RERE: variants seen among roughly 807,000 people sequenced by gnomAD.
RERE encodes arginine-glutamic acid dipeptide repeats protein.
In RERE, 40 loss-of-function variants were observed where a neutral mutation model predicts 146.1. The observed-to-expected ratio is 0.27, with a 90% CI of 0.21 to 0.36. RERE has a LOEUF of 0.36. RERE is among the 10% of genes least tolerant of loss of function. RERE has a pLI of 1.00. For synonymous variants in RERE, 1,003 were observed against 866.0 expected, an observed-to-expected ratio of 1.16 and a Z score of -2.78; for missense variants, 1,933 against 2,138.7, an observed-to-expected ratio of 0.90 and a Z score of 1.90.
intron 6 of RERE, among the ~76,000 whole-genome samples, chr1:8,550,513 A>G (rs1645920524): frequency 6.6e-6 from 1 of 152,178 alleles, no homozygotes; most frequent in Non-Finnish European, 1.5e-5. Context: ...AACTTGCAGG[A>G]GCTAAAGGGT....
intron 10 of RERE, among the ~76,000 whole-genome samples, chr1:8,469,789 G>C (rs574579443): frequency 2.0e-5 from 3 of 152,178 alleles, no homozygotes; most frequent in African/African-American, 7.2e-5. Context: ...GAACCAAGAA[G>C]AGTTTTAAAC....
At chr1:8,445,248 G>T (rs537044940) in intron 11 of RERE, among the ~76,000 whole-genome samples, 71 of 152,192 alleles carry the variant, frequency 4.7e-4, no homozygotes, top group Non-Finnish European at 8.4e-4. Context: ...AAACAAACTA[G>T]GGTCACTGAA....
chr1:8,698,913 T>C (rs1233052631), intron 1 of RERE, among the ~76,000 whole-genome samples: 1 of 152,148 alleles, frequency 6.6e-6, no homozygotes, highest in Non-Finnish European at 1.5e-5. Flanking sequence ...AAATTAAATG[T>C]TTTCTTCTTT....
At chr1:8,653,694 CAAAAAAA>C in intron 2 of RERE, among the ~76,000 whole-genome samples, 1 of 45,908 alleles carries the variant, frequency 2.2e-5, no homozygotes, top group East Asian at 7.0e-4. Context: ...GACTCCACCT[CAAAAAAA>C]AAAAAAAAAA....
chr1:8,792,136 G>A (rs1641375231), intron 1 of RERE, among the ~76,000 whole-genome samples: 1 of 151,668 alleles, frequency 6.6e-6, no homozygotes, highest in African/African-American at 2.4e-5. Context: ...CAAAGTATAA[G>A]AGCGCCTTCT....
At chr1:8,511,463 G>A (rs746963277) in intron 7 of RERE, among the ~76,000 whole-genome samples, 13 of 152,332 alleles carry the variant, frequency 8.5e-5, no homozygotes, top group Middle Eastern at 6.8e-3. Context: ...TTTTTGAGCA[G>A]GTAGGATCTG....
chr1:8,365,682 A>G (rs1641777563), intron 13 of RERE, 130 bp downstream of exon 13: 5 of 987,088 alleles, frequency 5.1e-6, no homozygotes, highest in African/African-American at 3.3e-5. Flanking sequence ...GGCTTCACAC[A>G]TGCACTGGAG....
chr1:8,814,635 A>G (rs1163751422), intron 1 of RERE, among the ~76,000 whole-genome samples: 2 of 152,226 alleles, frequency 1.3e-5, no homozygotes, highest in African/African-American at 4.8e-5. Flanking sequence ...TTAAATCCCA[A>G]GAAAAACCTC....
intron 1 of RERE, among the ~76,000 whole-genome samples, chr1:8,711,700 T>C (rs1639671626): frequency 6.6e-6 from 1 of 152,218 alleles, no homozygotes; most frequent in Non-Finnish European, 1.5e-5. Context: ...TTTGAACTGA[T>C]GATATATGAT....
chr1:8,418,899 G>A (rs1046294610), intron 12 of RERE, among the ~76,000 whole-genome samples: 1 of 152,086 alleles, frequency 6.6e-6, no homozygotes, highest in African/African-American at 2.4e-5. Flanking sequence ...GCAGAATCAA[G>A]AGGCCTAGTT....
intron 10 of RERE, among the ~76,000 whole-genome samples, chr1:8,473,495 T>G (rs1403124819): frequency 6.6e-6 from 1 of 152,214 alleles, no homozygotes. Context: ...ACACTTAATT[T>G]GGCTCCACTA....
intron 4 of RERE, among the ~76,000 whole-genome samples, chr1:8,595,102 A>G (rs1358663798): frequency 6.6e-6 from 1 of 151,112 alleles, no homozygotes; most frequent in African/African-American, 2.4e-5. Flanking sequence ...TTAAGGCTGC[A>G]GTGCTCTATG....
intron 1 of RERE, among the ~76,000 whole-genome samples, chr1:8,741,493 C>T (rs1255330063): frequency 2.6e-5 from 4 of 152,178 alleles, no homozygotes; most frequent in African/African-American, 9.7e-5. Context: ...GTAACTGAAT[C>T]GTGGAGCCGG....
intron 12 of RERE, among the ~76,000 whole-genome samples, chr1:8,389,032 A>G (rs112776916): frequency 0.011 from 1,742 of 152,256 alleles, 30 homozygotes; most frequent in African/African-American, 0.04. Flanking sequence ...TCTTAGGATC[A>G]CTGTTTTCCT....
rs1557670428 is a variant in RERE at position 8,521,199 on chromosome 1, C to CAA, written c.831-12525_831-12524insTT. 1.2e-4 allele frequency among the ~76,000 whole-genome samples: 3 copies of CAA among 25,008 alleles called. 1 individual carries two copies. 16.4% of individuals were successfully genotyped at this position (25,008 alleles called of 152,430 possible). A position where few individuals can be genotyped will look rare whatever the true frequency, so the allele number is the denominator to read the frequency against. ...TTCAAAAAAAAAAAAAAAAAGAACTCCAAGATGTATAAAGAAAAACATAAA... is the reference window on the plus strand; with the variant it reads ...TTCAAAAAAAAAAAAAAAAAGAACTCAACAAGATGTATAAAGAAAAACATAAA... On this transcript the variant is annotated intron_variant, in intron 7 of 22. Transcript: ENST00000400908.
At position 8,762,257 on chromosome 1, in the gene RERE, T is replaced by C. The variant is rs529773493; in HGVS notation, c.-145+54903A>G. Among the ~76,000 whole-genome samples, 411 of 152,322 alleles carry C rather than the reference T, an allele frequency of 2.7e-3. 3 individuals are homozygous for C. The highest frequency in any genetic ancestry group is 9.4e-3 in the African/African-American group (391 of 41,560). On this transcript the variant is annotated intron_variant, in intron 1 of 22. Coordinates refer to ENST00000400908, the MANE Select transcript of RERE (RefSeq NM_001042681.2). ...TACCTGTACTGACATACAAGCATCG[T>C]CACCCTACTGGAAGACAAGCGCCTT...
chr1:8,601,602 C>T (rs1345801766), intron 4 of RERE, among the ~76,000 whole-genome samples: 1 of 147,516 alleles, frequency 6.8e-6, no homozygotes, highest in Non-Finnish European at 1.5e-5. Context: ...ACCTTAATCC[C>T]AACTGCCTTC....
intron 1 of RERE, among the ~76,000 whole-genome samples, chr1:8,812,278 ATAAC>A (rs1183501274): frequency 6.6e-6 from 1 of 152,260 alleles, no homozygotes; most frequent in Non-Finnish European, 1.5e-5. Context: ...ACATCATTTT[ATAAC>A]TAACCATATA....
chr1:8,667,521 C>CA (rs1638604489), intron 1 of RERE, among the ~76,000 whole-genome samples: 1 of 152,014 alleles, frequency 6.6e-6, no homozygotes, highest in Non-Finnish European at 1.5e-5. Context: ...ACTAAAAATA[C>CA]AAAAAATTAG....
Sources: gnomAD v4.1 joint callset for allele counts (sites outside exome capture counted in the v4.1 genomes callset) on GRCh38, gnomAD v4.1.1 for gene constraint, MANE v1.5 for transcripts, NCBI Gene and HGNC (gene_info 2026-07-23, HGNC 2026-07-21) for gene names.